The following ARAP1 variants were observed in gnomAD, a reference collection of about 807,000 sequenced individuals.
The protein encoded by ARAP1 is arf-GAP with Rho-GAP domain, ANK repeat and PH domain-containing protein 1.
Under a neutral mutation model 172.2 loss-of-function variants are expected in ARAP1, and 76 were observed. The ratio of observed to expected loss-of-function variants is 0.44; its 90% CI spans 0.37 to 0.53. ARAP1 has a LOEUF of 0.53. ARAP1 is among the 20% of genes least tolerant of loss of function. The probability of loss-of-function intolerance (pLI) is 0.00; values close to 1 mark genes in which losing one functional copy is unlikely to be tolerated. For synonymous variants in ARAP1, 804 were observed against 803.3 expected (o/e 1.00, Z -0.01); for missense variants, 1,686 against 1,977.5 (o/e 0.85, Z 2.80).
chr11:72,714,229 C>A lies in ARAP1; in HGVS notation c.602G>T (p.Gly201Val). The A allele has an allele frequency of 6.6e-7, 1 of 1,524,506 alleles. No homozygotes were observed. The highest frequency in any genetic ancestry group is 8.8e-7 in the Non-Finnish European group (1 of 1,139,230). 94.4% of individuals were successfully genotyped at this position (1,524,506 alleles called of 1,614,324 possible). ...AGGTGGAGAGGGAGGCTGGGGAGGC[C>A]CCTGGGGGAGGGTGGACAGGGGCTC... ...SEEPLSTLPQ[G>V]PPQPPSPPPC... Residue 201 changes from glycine (G) to valine (V), a missense_variant, in exon 4 of 35, where the codon GGG becomes GTG. Transcript: ENST00000393609.
Position 72,694,968 on chromosome 11 carries a change from A to G in ARAP1, c.3694+12T>C. ...GCCATACCACACCCTGCACAAGCCC[A>G]GCGTCACCCACCTGCCTCCTCCCTC... is the stretch of plus-strand genomic sequence containing the variant. On this transcript the variant is annotated intron_variant, in intron 27 of 34. Transcript: ENST00000393609. 1 of 1,611,918 alleles carries G rather than the reference A, an allele frequency of 6.2e-7. No individual in the cohort carries two copies. Among genetic ancestry groups the G allele is most frequent in the East Asian group, 2.2e-5 (1 of 44,870 alleles).
rs116515659 is a variant in ARAP1 at position 72,691,617 on chromosome 11, C to T, written c.3987+1136G>A. On this transcript the variant is annotated intron_variant, in intron 30 of 34. Coordinates refer to ENST00000393609, the MANE Select transcript of ARAP1 (RefSeq NM_001040118.3). ...GCAAAGAGAAGGAGATGAGGTCCTG[C>T]TCTATCTGCTCTGCTCCTGCCATGG... Among the ~76,000 whole-genome samples, 852 of 152,298 alleles carry T rather than the reference C, an allele frequency of 5.6e-3. 8 individuals are homozygous for T. The highest frequency in any genetic ancestry group is 0.02 in the African/African-American group (813 of 41,540).
chr11:72,713,360 C>A, intron 4 of ARAP1, 117 bp from the exon 5 acceptor site: 1 of 938,832 alleles, frequency 1.1e-6, no homozygotes. Context: ...CCACCTCCCC[C>A]TGGCTTTCAA....
At chr11:72,705,575 T>A (rs1856719993) in intron 13 of ARAP1, 25 of 454,096 alleles carry the variant, frequency 5.5e-5, no homozygotes, top group South Asian at 8.2e-5. Flanking sequence ...TTTTTTTCTT[T>A]AAAAAAAAAT....
At chr11:72,719,790 C>T (rs1030771859) in intron 3 of ARAP1, among the ~76,000 whole-genome samples, 1 of 152,212 alleles carries the variant, frequency 6.6e-6, no homozygotes, top group South Asian at 2.1e-4. Context: ...ACTACTCACA[C>T]TCCAGCCCTC....
In ARAP1 at chr11:72,712,265, G is replaced by A. The variant is rs746589096; in HGVS notation, c.953C>T (p.Pro318Leu). 20 of 1,603,670 alleles carry A rather than the reference G, an allele frequency of 1.2e-5. No homozygotes were observed. In the East Asian group the frequency reaches 1.8e-4, roughly 14 times the overall value. ...TGTGACGGGGGTGGAGCCCCCAGGCGGCCCGTCCATGGGGTGTGGCGCAGC... is the reference window on the plus strand; with the variant it reads ...TGTGACGGGGGTGGAGCCCCCAGGCAGCCCGTCCATGGGGTGTGGCGCAGC... ...TIAAPHPMDG[P>L]PGGSTPVTPV... Residue 318 changes from proline (P) to leucine (L), a missense_variant, in exon 7 of 35, where the codon CCG (proline) becomes CTG (leucine). Physicochemically the swap from Pro to Leu is moderately conservative, Grantham distance 98 (BLOSUM62 -3). Coordinates refer to ENST00000393609, the MANE Select transcript of ARAP1 (RefSeq NM_001040118.3).
chr11:72,739,481 A>G (rs2135587969), intron 1 of ARAP1, among the ~76,000 whole-genome samples: 1 of 152,216 alleles, frequency 6.6e-6, no homozygotes, highest in Middle Eastern at 3.4e-3. Context: ...GGGGTCTATC[A>G]GCAATGTCCC....
chr11:72,705,750 C>G, intron 13 of ARAP1, 55 bp downstream of exon 13: 1 of 1,590,094 alleles, frequency 6.3e-7, no homozygotes, highest in Non-Finnish European at 8.6e-7. Flanking sequence ...GAGACCCAGA[C>G]AGCTGTTGAA....
At chr11:72,688,210 C>G (rs1274748673) in intron 31 of ARAP1, among the ~76,000 whole-genome samples, 2 of 152,060 alleles carry the variant, frequency 1.3e-5, no homozygotes, top group African/African-American at 4.8e-5. Context: ...GTTTCGAACT[C>G]CTGGGCTCAA....
chr11:72,687,550 C>A, intron 32 of ARAP1, 48 bp from the exon 33 acceptor site: 1 of 1,613,812 alleles, frequency 6.2e-7, no homozygotes, highest in South Asian at 1.1e-5. Context: ...CCTGACTGAG[C>A]AGGGAACACC....
chr11:72,702,099 G>A (rs190525509), intron 15 of ARAP1, among the ~76,000 whole-genome samples: 3 of 152,380 alleles, frequency 2.0e-5, no homozygotes, highest in Non-Finnish European at 4.4e-5. Flanking sequence ...CATGAGGGGG[G>A]CATTGGGCAA....
At chr11:72,715,405 C>A (rs1857227101) in intron 3 of ARAP1, among the ~76,000 whole-genome samples, 1 of 152,076 alleles carries the variant, frequency 6.6e-6, no homozygotes, top group African/African-American at 2.4e-5. Context: ...GTGTTCCTGG[C>A]TGATGGTGTG....
intron 3 of ARAP1, among the ~76,000 whole-genome samples, chr11:72,720,923 G>A (rs1045091171): frequency 2.6e-5 from 4 of 152,186 alleles, no homozygotes; most frequent in Admixed American, 2.6e-4. Context: ...CAGCCCTGCT[G>A]TCTGGGCAGG....
At chr11:72,729,568 G>A (rs939056206) in intron 2 of ARAP1, among the ~76,000 whole-genome samples, 1 of 151,868 alleles carries the variant, frequency 6.6e-6, no homozygotes, top group Non-Finnish European at 1.5e-5. Context: ...CTGGGCAACA[G>A]AGAGAGACTC....
At position 72,718,763 on chromosome 11, in the gene ARAP1, C is replaced by T. The variant is rs1189826271; in HGVS notation, c.510-4442G>A. On this transcript the variant is annotated intron_variant, in intron 3 of 34. Coordinates refer to ENST00000393609, the MANE Select transcript of ARAP1 (RefSeq NM_001040118.3). The stretch of plus-strand genomic sequence containing the variant: ...CAGAGAAAATACATGCAGCAGACCT[C>T]ATGCCTGGGGGTTAGGTGACATGGT... Among the ~76,000 whole-genome samples, 11 of 152,266 alleles carry T rather than the reference C, an allele frequency of 7.2e-5. No homozygotes were observed. The East Asian group carries it at 1.9e-3, about 27-fold the overall frequency.
rs757294982 is a variant in ARAP1 at position 72,693,298 on chromosome 11, G to A, written c.3954+27C>T. ...ATTCAGGTGTACAGGTGCCCACCCTGGGGCAGAACCCAGCGGGGCCACTTA... is the reference window on the plus strand; with the variant it reads ...ATTCAGGTGTACAGGTGCCCACCCTAGGGCAGAACCCAGCGGGGCCACTTA... On this transcript the variant is annotated intron_variant, in intron 29 of 34. Transcript: ENST00000393609. The surrounding 1 kb of genome is among the most constrained non-coding windows in gnomAD (Gnocchi z 4.6). The A allele has an allele frequency of 1.2e-6, 2 of 1,610,320 alleles. No individual in the cohort carries two copies. Among genetic ancestry groups the A allele is most frequent in the South Asian group, 2.2e-5 (2 of 90,778 alleles).
intron 1 of ARAP1, among the ~76,000 whole-genome samples, chr11:72,749,680 G>T (rs1398491838): frequency 6.6e-6 from 1 of 151,970 alleles, no homozygotes; most frequent in Non-Finnish European, 1.5e-5. Flanking sequence ...TCAGGAGATT[G>T]AGACCATCCT....
chr11:72,719,229 C>T (rs904326845), intron 3 of ARAP1, among the ~76,000 whole-genome samples: 1 of 152,222 alleles, frequency 6.6e-6, no homozygotes, highest in Non-Finnish European at 1.5e-5. Context: ...AGAGGGAACA[C>T]ATCACTGCCC....
In ARAP1 at chr11:72,712,976, C is replaced by A. The variant is rs1303453306; in HGVS notation, c.747+200G>T. 4 of 636,068 alleles carry A rather than the reference C, an allele frequency of 6.3e-6. No homozygotes were observed. The African/African-American group carries it at 7.4e-5, about 12-fold the overall frequency. 39.4% of individuals were successfully genotyped at this position (636,068 alleles called of 1,614,324 possible). A position where few individuals can be genotyped will look rare whatever the true frequency, so the allele number is the denominator to read the frequency against. On this transcript the variant is annotated intron_variant, in intron 5 of 34. Transcript: ENST00000393609. ...CAGCCAGGGCCTGGGGGAGCCACACCAGAGCCCCGACCCCTGGCCCAGAGC... is the reference window on the plus strand; with the variant it reads ...CAGCCAGGGCCTGGGGGAGCCACACAAGAGCCCCGACCCCTGGCCCAGAGC...
Sources: gnomAD v4.1 joint callset for allele counts (sites outside exome capture counted in the v4.1 genomes callset) on GRCh38, gnomAD v4.1.1 for gene constraint, Gnocchi (gnomAD v3.1) non-coding constraint, MANE v1.5 for transcripts, NCBI Gene and HGNC (gene_info 2026-07-23, HGNC 2026-07-21) for gene names.